ARID4A: variants seen among roughly 807,000 people sequenced by gnomAD.
ARID4A encodes the protein AT-rich interactive domain-containing protein 4A.
A neutral mutation model predicts 148.6 loss-of-function variants in ARID4A; 39 were observed. The observed-to-expected ratio is 0.26, with a 90% CI of 0.20 to 0.34. The LOEUF (loss-of-function observed/expected upper bound fraction) is 0.34. Ranked by LOEUF, ARID4A falls within the 10% of genes least tolerant of loss-of-function variation. The probability of loss-of-function intolerance (pLI) is 1.00; values close to 1 mark genes in which losing one functional copy is unlikely to be tolerated. For missense variants in ARID4A, 1,265 were observed against 1,449.1 expected, an observed-to-expected ratio of 0.87 and a Z score of 2.06; for synonymous variants, 475 against 481.2, an observed-to-expected ratio of 0.99 and a Z score of 0.17.
chr14:58,341,100 T>C lies in ARID4A; in HGVS notation c.907-3595T>C, dbSNP rs1208764452. Among the ~76,000 whole-genome samples, 3 of 152,270 alleles carry C rather than the reference T, an allele frequency of 2.0e-5. No homozygotes were observed. The East Asian group carries it at 5.8e-4, about 29-fold the overall frequency. On this transcript the variant is annotated intron_variant, in intron 11 of 23. Coordinates refer to ENST00000355431, the MANE Select transcript of ARID4A (RefSeq NM_002892.4). ...CTCTGTCTCTCTCTCTTCCTCTTCC[T>C]TTCATGGGAAGAGGTGATCTTTCCA... is the stretch of plus-strand genomic sequence containing the variant.
chr14:58,347,165 AT>A, intron 14 of ARID4A, 48 bp downstream of exon 14: 1 of 1,065,202 alleles, frequency 9.4e-7, no homozygotes, highest in Non-Finnish European at 1.3e-6. Context: ...TATAGGAAAT[AT>A]TTTCCATTTA....
At position 58,367,109 on chromosome 14, in the gene ARID4A, T is replaced by C. The variant is rs185023235; in HGVS notation, c.3670+80T>C. On this transcript the variant is annotated intron_variant, in intron 23 of 23. Coordinates refer to ENST00000355431, the MANE Select transcript of ARID4A (RefSeq NM_002892.4). ...TTAGAAGATTTAAATTTGATACTCT[T>C]TGAATATAGTACACATTCATTAATT... 22 of 1,109,134 alleles carry C rather than the reference T, an allele frequency of 2.0e-5. No individual in the cohort carries two copies. In the East Asian group the frequency reaches 6.4e-4, roughly 32 times the overall value. 68.7% of individuals were successfully genotyped at this position (1,109,134 alleles called of 1,614,324 possible). A position where few individuals can be genotyped will look rare whatever the true frequency, so the allele number is the denominator to read the frequency against.
At chr14:58,335,496 A>G (rs1430724298) in intron 11 of ARID4A, among the ~76,000 whole-genome samples, 1 of 151,872 alleles carries the variant, frequency 6.6e-6, no homozygotes, top group Non-Finnish European at 1.5e-5. Context: ...TATTTTTAGT[A>G]GAGACGGGGT....
chr14:58,358,255 G>T (rs2034976073), intron 17 of ARID4A, among the ~76,000 whole-genome samples: 1 of 152,118 alleles, frequency 6.6e-6, no homozygotes, highest in Non-Finnish European at 1.5e-5. Flanking sequence ...GGTCACCTGA[G>T]GTCAGGAGTT....
At chr14:58,322,111 C>T (rs1180904641) in intron 7 of ARID4A, among the ~76,000 whole-genome samples, 3 of 151,854 alleles carry the variant, frequency 2.0e-5, no homozygotes, top group Non-Finnish European at 4.4e-5. Context: ...GCCAGGACTA[C>T]AGGTGTGTGA....
At chr14:58,349,549 C>T (rs1299159099) in intron 15 of ARID4A, among the ~76,000 whole-genome samples, 2 of 151,818 alleles carry the variant, frequency 1.3e-5, no homozygotes, top group Admixed American at 1.3e-4. Flanking sequence ...ATCACTTATC[C>T]ACATATATAA....
chr14:58,346,577 T>A, intron 13 of ARID4A, 72 bp downstream of exon 13: 1 of 908,058 alleles, frequency 1.1e-6, no homozygotes, highest in Non-Finnish European at 1.7e-6. Context: ...ATTGCATTAT[T>A]ATATGCACAT....
At chr14:58,319,188 A>G (rs2140164823) in intron 7 of ARID4A, among the ~76,000 whole-genome samples, 1 of 151,774 alleles carries the variant, frequency 6.6e-6, no homozygotes, top group East Asian at 1.9e-4. Flanking sequence ...GCCTCCTGAG[A>G]AGCTGGGACT....
At chr14:58,324,336 C>T (rs187917047) in intron 8 of ARID4A, among the ~76,000 whole-genome samples, 77 of 152,314 alleles carry the variant, frequency 5.1e-4, no homozygotes, top group Non-Finnish European at 9.8e-4. Context: ...AGTGCAGTGA[C>T]GTGAGCACAG....
At chr14:58,322,089 G>A (rs146740065) in intron 7 of ARID4A, among the ~76,000 whole-genome samples, 1 of 151,946 alleles carries the variant, frequency 6.6e-6, no homozygotes, top group African/African-American at 2.4e-5. Flanking sequence ...TCGTGCCTCA[G>A]CCTCTCGAGT....
chr14:58,354,445 G>A (rs2034779117), intron 17 of ARID4A, among the ~76,000 whole-genome samples: 1 of 152,154 alleles, frequency 6.6e-6, no homozygotes, highest in African/African-American at 2.4e-5. Flanking sequence ...CACTTTGGGA[G>A]GTGGAGGCGG....
chr14:58,358,889 C>G (rs1277183468), intron 17 of ARID4A, among the ~76,000 whole-genome samples: 2 of 152,142 alleles, frequency 1.3e-5, no homozygotes, highest in Non-Finnish European at 2.9e-5. Context: ...AAGACTCTCC[C>G]TCTAAACCTG....
At chr14:58,361,163 C>T (rs140418008) in intron 19 of ARID4A, 121 bp downstream of exon 19, 33,233 of 1,398,192 alleles carry the variant, frequency 0.024, 501 homozygotes, top group Non-Finnish European at 0.027. Flanking sequence ...AATAAAACTT[C>T]CATTGTGTGA....
Position 58,364,498 on chromosome 14 carries a change from T to C in ARID4A, c.2409T>C (p.Ser803=), listed in dbSNP as rs1385885967. Residue 803 remains serine (S), a synonymous_variant, in exon 20 of 24, where the codon TCT becomes TCC. Transcript: ENST00000355431. ...KGRRSKTKDL[S]LEIIKISSFG... ...GACGAAGCAAGACAAAAGATCTTTC[T>C]TTAGAAATTATAAAGATTTCATCAT... 1 of 1,612,364 alleles carries C rather than the reference T, an allele frequency of 6.2e-7. No homozygotes were observed. The highest frequency in any genetic ancestry group is 1.1e-5 in the South Asian group (1 of 90,482).
At chr14:58,307,102 A>G (rs536827752) in intron 5 of ARID4A, among the ~76,000 whole-genome samples, 2 of 152,312 alleles carry the variant, frequency 1.3e-5, no homozygotes, top group South Asian at 2.1e-4. Context: ...AACATTTCCA[A>G]ATCTCCTCTC....
At position 58,364,665 on chromosome 14, in the gene ARID4A, T is replaced by C. The variant is rs774940626; in HGVS notation, c.2576T>C (p.Ile859Thr). The C allele has an allele frequency of 6.2e-7, 1 of 1,613,676 alleles. No homozygotes were observed. The highest frequency in any genetic ancestry group is 1.1e-5 in the South Asian group (1 of 91,046). ...AAAGAAAAGAAGTTGAAACGGAAAA[T>C]ACTAGGACAATCATCGCCAGAGAAA... is the stretch of plus-strand genomic sequence containing the variant. Reference protein sequence around the residue: ...CVKEKKLKRKILGQSSPEKKI... With the variant: ...CVKEKKLKRKTLGQSSPEKKI... Residue 859 changes from isoleucine to threonine, a missense_variant, in exon 20 of 24, where the codon ATA (isoleucine) becomes ACA (threonine). Physicochemically the swap from Ile to Thr is moderately conservative, Grantham distance 89. This residue lies in a region of ARID4A where 666 missense variants were observed against 730.9 expected (regional missense o/e 0.91). Coordinates refer to ENST00000355431, the MANE Select transcript of ARID4A (RefSeq NM_002892.4).
At chr14:58,366,752 C>A in intron 22 of ARID4A, 131 bp from the exon 23 acceptor site, 1 of 631,412 alleles carries the variant, frequency 1.6e-6, no homozygotes, top group Non-Finnish European at 2.5e-6. Flanking sequence ...CAGTCTTATT[C>A]AGCTTACTGT....
At chr14:58,343,956 TAAG>T (rs2034235015) in intron 11 of ARID4A, among the ~76,000 whole-genome samples, 1 of 152,214 alleles carries the variant, frequency 6.6e-6, no homozygotes. Context: ...TGCTAAACTT[TAAG>T]AATTTTAAAA....
At chr14:58,332,198 G>A (rs1202567757) in intron 11 of ARID4A, among the ~76,000 whole-genome samples, 1 of 152,076 alleles carries the variant, frequency 6.6e-6, no homozygotes, top group Non-Finnish European at 1.5e-5. Context: ...GCAAAGCTCT[G>A]TTACCTATTG....
Sources: gnomAD v4.1 joint callset for allele counts (sites outside exome capture counted in the v4.1 genomes callset) on GRCh38, gnomAD v4.1.1 for gene constraint, gnomAD v4.1.1 regional missense constraint, MANE v1.5 for transcripts, NCBI Gene and HGNC (gene_info 2026-07-23, HGNC 2026-07-21) for gene names.